Variants in EXOC5 observed in about 807,000 individuals in gnomAD.
The protein encoded by EXOC5 is exocyst complex component 5, also known as SEC10-like 1.
A neutral mutation model predicts 90.8 loss-of-function variants in EXOC5; 17 were observed. The observed-to-expected ratio is 0.19, with a 90% confidence interval of 0.13 to 0.28. The LOEUF (loss-of-function observed/expected upper bound fraction) is 0.28, where lower values mean the gene tolerates loss of function less well. EXOC5 is among the 10% of genes least tolerant of loss of function. The pLI is 1.00. For missense variants in EXOC5, 569 were observed against 830.6 expected (o/e 0.69, Z 3.87); for synonymous variants, 260 against 270.0 (o/e 0.96, Z 0.36).
chr14:57,268,518 A>C lies in EXOC5; in HGVS notation c.27+104T>G. 4 of 1,533,736 alleles carry C rather than the reference A, an allele frequency of 2.6e-6. No individual in the cohort carries two copies. The East Asian group carries it at 9.9e-5, about 38-fold the overall frequency. On this transcript the variant is annotated intron_variant, in intron 1 of 17. Transcript: ENST00000621441. ...CCTTCTGTTTCGCACCTCTCTCCCG[A>C]GGGCTCCTCCTGGGCAGCCAGCAAA... is the stretch of plus-strand genomic sequence containing the variant.
At chr14:57,214,168 A>G (rs73290117) in intron 15 of EXOC5, among the ~76,000 whole-genome samples, 37,031 of 151,988 alleles carry the variant, frequency 0.24, 10,864 homozygotes, top group African/African-American at 0.71. Context: ...TGGCATGTCC[A>G]GCCTACACAC....
At chr14:57,222,552 T>C in intron 12 of EXOC5, 136 bp from the exon 13 acceptor site, 1 of 504,722 alleles carries the variant, frequency 2.0e-6, no homozygotes, top group Non-Finnish European at 3.6e-6. Flanking sequence ...CCCCCCATAC[T>C]GCGTGTGCAT....
At position 57,208,526 on chromosome 14, in the gene EXOC5, GCTTT is replaced by G. The variant is rs1468156766; in HGVS notation, c.*79_*82del. The stretch of plus-strand genomic sequence containing the variant: ...GGCTGTGTCATAAGGTATCTCCTGT[GCTTT>G]CTATCAACCGAGGGCTGCTGAAGTA... On this transcript the variant is annotated 3_prime_UTR_variant, in exon 18 of 18. Transcript: ENST00000621441. 2.1e-5 allele frequency: 20 copies of G among 967,798 alleles called. No individual in the cohort carries two copies. Among genetic ancestry groups the G allele is most frequent in the Non-Finnish European group, 3.0e-5 (19 of 633,280 alleles). 60.0% of individuals were successfully genotyped at this position (967,798 alleles called of 1,614,324 possible). A position where few individuals can be genotyped will look rare whatever the true frequency, so the allele number is the denominator to read the frequency against.
Position 57,205,118 on chromosome 14 carries a change from CAAT to C in EXOC5, c.*3488_*3490del, listed in dbSNP as rs1388364765. ...CAAATCCTAGGGTTGCTCTAGAATC[CAAT>C]AATATGTGCAAAGGACTTATTAGCA... On this transcript the variant is annotated 3_prime_UTR_variant, in exon 18 of 18. Coordinates refer to ENST00000621441, the MANE Select transcript of EXOC5 (RefSeq NM_006544.4). 2.0e-5 allele frequency: 3 copies of C among 151,846 alleles called. No individual in the cohort carries two copies. Among genetic ancestry groups the C allele is most frequent in the African/African-American group, 7.2e-5 (3 of 41,382 alleles). The allele number at this position is 151,846 out of a possible 1,614,324, so 9.4% of individuals were successfully genotyped here.
rs1340999168 is a variant in EXOC5 at position 57,239,437 on chromosome 14, C to A, written c.530+158G>T. 62 of 562,690 alleles carry A rather than the reference C, an allele frequency of 1.1e-4. 2 individuals carry two copies. The East Asian group carries it at 1.7e-3, about 15-fold the overall frequency. The allele number at this position is 562,690 out of a possible 1,614,324, so 34.9% of individuals were successfully genotyped here. On this transcript the variant is annotated intron_variant, in intron 5 of 17. Coordinates refer to ENST00000621441, the MANE Select transcript of EXOC5 (RefSeq NM_006544.4). ...TTCAATAAACTATTTTACACTGCATCTTGTACAAAGTGAATAAACTAGCAA... is the reference window on the plus strand; with the variant it reads ...TTCAATAAACTATTTTACACTGCATATTGTACAAAGTGAATAAACTAGCAA...
Position 57,203,282 on chromosome 14 carries a change from G to C in EXOC5, c.*5327C>G, listed in dbSNP as rs1021655255. ...CCAGAGTTGAAAGGAACCAGTTACA[G>C]TATAAAGATTAAAATGATAGGCAGG... On this transcript the variant is annotated 3_prime_UTR_variant, in exon 18 of 18. Coordinates refer to ENST00000621441, the MANE Select transcript of EXOC5 (RefSeq NM_006544.4). 1 of 152,258 alleles carries C rather than the reference G, an allele frequency of 6.6e-6. No homozygotes were observed. The highest frequency in any genetic ancestry group is 1.9e-4 in the East Asian group (1 of 5,178). The allele number at this position is 152,258 out of a possible 1,614,324, so 9.4% of individuals were successfully genotyped here. A position where few individuals can be genotyped will look rare whatever the true frequency, so the allele number is the denominator to read the frequency against.
At chr14:57,229,700 T>G in intron 12 of EXOC5, 34 bp downstream of exon 12, 3 of 1,398,570 alleles carry the variant, frequency 2.1e-6, no homozygotes, top group Non-Finnish European at 2.9e-6. Flanking sequence ...AAGGAACAAC[T>G]GTATATGTAA....
chr14:57,268,836 T>C lies in EXOC5; in HGVS notation c.-188A>G, dbSNP rs1884791986. On this transcript the variant is annotated 5_prime_UTR_variant, in exon 1 of 18. Transcript: ENST00000621441. ...GGCCATGAAGCGAAGCCGCAAACGCTTGTCAGCTGCCTCCCGGCGCCGCCC... is the reference window on the plus strand; with the variant it reads ...GGCCATGAAGCGAAGCCGCAAACGCCTGTCAGCTGCCTCCCGGCGCCGCCC... The C allele has an allele frequency of 6.0e-6, 8 of 1,333,670 alleles. No homozygotes were observed. The South Asian group carries it at 1.3e-4, about 22-fold the overall frequency. The allele number at this position is 1,333,670 out of a possible 1,614,324, so 82.6% of individuals were successfully genotyped here.
intron 15 of EXOC5, among the ~76,000 whole-genome samples, chr14:57,214,674 A>G (rs1882923062): frequency 6.6e-6 from 1 of 152,218 alleles, no homozygotes; most frequent in Non-Finnish European, 1.5e-5. Context: ...GGAGTCAACC[A>G]GTTATGGGAA....
At chr14:57,251,317 AG>A (rs1301532412) in intron 1 of EXOC5, among the ~76,000 whole-genome samples, 5 of 152,190 alleles carry the variant, frequency 3.3e-5, no homozygotes, top group African/African-American at 1.2e-4. Context: ...CCCTGCTCTG[AG>A]GGCTAATTGC....
chr14:57,227,471 A>C (rs1566729230), intron 12 of EXOC5, among the ~76,000 whole-genome samples: 1 of 152,192 alleles, frequency 6.6e-6, no homozygotes. Context: ...CACCATGAAA[A>C]AAATGCTGTT....
intron 1 of EXOC5, among the ~76,000 whole-genome samples, chr14:57,266,127 A>G (rs1421845733): frequency 1.3e-5 from 2 of 152,236 alleles, no homozygotes; most frequent in Non-Finnish European, 2.9e-5. Flanking sequence ...TAACATGAAA[A>G]GTGAAAGCAT....
chr14:57,222,246 C>A, intron 13 of EXOC5, 62 bp downstream of exon 13: 1 of 762,748 alleles, frequency 1.3e-6, no homozygotes, highest in Admixed American at 2.4e-5. Flanking sequence ...CAACATTATG[C>A]ATATAGTTTA....
At chr14:57,213,023 A>T (rs1882872866) in intron 15 of EXOC5, among the ~76,000 whole-genome samples, 1 of 152,118 alleles carries the variant, frequency 6.6e-6, no homozygotes, top group South Asian at 2.1e-4. Flanking sequence ...TGGTCATTCC[A>T]ATACCATACT....
intron 12 of EXOC5, among the ~76,000 whole-genome samples, chr14:57,226,360 T>C (rs1883308369): frequency 6.6e-6 from 1 of 152,208 alleles, no homozygotes; most frequent in Admixed American, 6.5e-5. Flanking sequence ...ACTGTATTTC[T>C]ATAGACTAAG....
At chr14:57,265,708 G>A (rs1203340528) in intron 1 of EXOC5, among the ~76,000 whole-genome samples, 7 of 152,222 alleles carry the variant, frequency 4.6e-5, no homozygotes, top group Non-Finnish European at 1.0e-4. Context: ...CTATGCGATA[G>A]AGCAAGACCC....
At chr14:57,213,864 G>C (rs1197221085) in intron 15 of EXOC5, among the ~76,000 whole-genome samples, 1 of 151,852 alleles carries the variant, frequency 6.6e-6, no homozygotes, top group Non-Finnish European at 1.5e-5. Flanking sequence ...CAGCTACTCG[G>C]GAGGCTGAGG....
rs1453294683 is a variant in EXOC5 at position 57,268,631 on chromosome 14, C to T, written c.18G>A (p.Glu6=). The stretch of plus-strand genomic sequence containing the variant: ...AGCCGCCGGGGCCCACCTCGAAGAG[C>T]TCGGCCGTGGTAGCCATCCCGGCCG... MATTA[E]LFEEPFVADE... is the part of the protein sequence containing the mutation. Residue 6 remains glutamate (E), a synonymous_variant, in exon 1 of 18, where the codon GAG becomes GAA. Transcript: ENST00000621441. 6.3e-7 allele frequency: 1 copy of T among 1,591,366 alleles called. No individual in the cohort carries two copies. Among genetic ancestry groups the T allele is most frequent in the Non-Finnish European group, 8.5e-7 (1 of 1,174,716 alleles).
At chr14:57,218,645 A>G (rs1311166310) in intron 14 of EXOC5, among the ~76,000 whole-genome samples, 4 of 152,024 alleles carry the variant, frequency 2.6e-5, no homozygotes, top group African/African-American at 9.7e-5. Flanking sequence ...TTAAAAAGTA[A>G]ATTTCCTTTC....
Sources: allele counts gnomAD v4.1 joint callset (sites outside exome capture counted in the v4.1 genomes callset), GRCh38; gene constraint gnomAD v4.1.1; transcripts MANE v1.5; gene names NCBI Gene and HGNC (gene_info 2026-07-23, HGNC 2026-07-21).